Variants in PDZRN4 observed in about 807,000 individuals in gnomAD.
The protein encoded by PDZRN4 is PDZ domain containing ring finger 4, also known as PDZ domain-containing RING finger protein 4.
Under a neutral mutation model 99.0 loss-of-function variants are expected in PDZRN4, and 70 were observed. That is an observed-to-expected ratio of 0.71 (90% CI 0.58 to 0.86). The LOEUF is 0.86. Ranked by LOEUF, PDZRN4 falls within the 40% of genes least tolerant of loss-of-function variation. PDZRN4 has a pLI of 0.00. For missense variants in PDZRN4, 1,474 were observed against 1,331.2 expected (o/e 1.11, Z -1.67); for synonymous variants, 551 against 501.6 (o/e 1.10, Z -1.32).
chr12:41,254,402 A>G (rs1000503031), intron 3 of PDZRN4, among the ~76,000 whole-genome samples: 3 of 152,212 alleles, frequency 2.0e-5, no homozygotes, highest in African/African-American at 7.2e-5. Flanking sequence ...CAGGGCTAGG[A>G]TTTGAATGAG....
At chr12:41,383,470 T>C (rs1367723185) in intron 3 of PDZRN4, among the ~76,000 whole-genome samples, 1 of 152,226 alleles carries the variant, frequency 6.6e-6, no homozygotes, top group Non-Finnish European at 1.5e-5. Context: ...AATACATTCA[T>C]AAGCACCAAG....
At chr12:41,218,397 A>G (rs1042749073) in intron 3 of PDZRN4, among the ~76,000 whole-genome samples, 2 of 152,120 alleles carry the variant, frequency 1.3e-5, no homozygotes, top group Non-Finnish European at 2.9e-5. Flanking sequence ...CTGATCACTG[A>G]CTATGAACAT....
At chr12:41,516,776 T>A (rs915804215) in intron 5 of PDZRN4, among the ~76,000 whole-genome samples, 1 of 151,946 alleles carries the variant, frequency 6.6e-6, no homozygotes, top group Non-Finnish European at 1.5e-5. Context: ...GCAGCTTTTT[T>A]TTTTTTTACT....
intron 3 of PDZRN4, among the ~76,000 whole-genome samples, chr12:41,219,458 T>C (rs912507290): frequency 1.3e-5 from 2 of 152,148 alleles, no homozygotes; most frequent in Admixed American, 1.3e-4. Context: ...AATAATCTAG[T>C]AATAATGCTC....
rs1555152867 is a variant in PDZRN4, at chr12:41,555,241, A to AAAAAAAGAAAAG, written c.1303-451_1303-450insGAAAAGAAAAAA. The stretch of plus-strand genomic sequence containing the variant: ...GCCAGACTCTGTCTCAAAAAAAAAA[A>AAAAAAAGAAAAG]AAAAAAAAGAAAAAAAAAAGGACGG... On this transcript the variant is annotated intron_variant, in intron 6 of 9. Coordinates refer to ENST00000402685, the MANE Select transcript of PDZRN4 (RefSeq NM_001164595.2). 6.6e-3 allele frequency among the ~76,000 whole-genome samples: 789 copies of AAAAAAAGAAAAG among 119,926 alleles called. 41 individuals carry two copies. The highest frequency in any genetic ancestry group is 0.014 in the East Asian group (59 of 4,184). The allele number at this position is 119,926 out of a possible 152,430, so 78.7% of individuals were successfully genotyped here.
chr12:41,306,001 A>T (rs7308090), intron 3 of PDZRN4, among the ~76,000 whole-genome samples: 72,433 of 152,110 alleles, frequency 0.48, 19,210 homozygotes, highest in Middle Eastern at 0.65. Context: ...AAAACACAAT[A>T]GTGGGACAGG....
chr12:41,210,136 A>AAAT (rs1411856092), intron 3 of PDZRN4, among the ~76,000 whole-genome samples: 2 of 152,076 alleles, frequency 1.3e-5, no homozygotes, highest in Non-Finnish European at 2.9e-5. Flanking sequence ...CTGTCTGCAT[A>AAAT]AATGTCTTCT....
intron 3 of PDZRN4, among the ~76,000 whole-genome samples, chr12:41,398,016 G>A (rs1952262512): frequency 6.6e-6 from 1 of 152,078 alleles, no homozygotes; most frequent in Non-Finnish European, 1.5e-5. Flanking sequence ...CCTTGGGAAG[G>A]TTATTAACCT....
At chr12:41,226,824 T>C (rs1566374728) in intron 3 of PDZRN4, among the ~76,000 whole-genome samples, 1 of 152,110 alleles carries the variant, frequency 6.6e-6, no homozygotes, top group Non-Finnish European at 1.5e-5. Context: ...TGGCCAGATA[T>C]CATAATATTG....
At chr12:41,273,331 C>T (rs151248427) in intron 3 of PDZRN4, among the ~76,000 whole-genome samples, 8 of 152,068 alleles carry the variant, frequency 5.3e-5, no homozygotes, top group East Asian at 1.9e-4. Flanking sequence ...TGCTGGCAAG[C>T]GCAAGAATGA....
intron 3 of PDZRN4, among the ~76,000 whole-genome samples, chr12:41,465,024 C>T (rs1952911368): frequency 6.6e-6 from 1 of 151,968 alleles, no homozygotes; most frequent in African/African-American, 2.4e-5. Context: ...GGGGTTTTGC[C>T]ATATTGGCCA....
chr12:41,527,025 A>T (rs1938579343), intron 5 of PDZRN4, among the ~76,000 whole-genome samples: 1 of 152,226 alleles, frequency 6.6e-6, no homozygotes, highest in Admixed American at 6.5e-5. Flanking sequence ...CTTCTGTTAG[A>T]TGTAGATGTG....
chr12:41,412,658 G>A (rs1252265996), intron 3 of PDZRN4: 2 of 152,178 alleles, frequency 1.3e-5, no homozygotes, highest in Non-Finnish European at 2.9e-5. Flanking sequence ...TTCACATGAT[G>A]TGGCTATGAA....
In PDZRN4 at chr12:41,438,088, G is replaced by T. The variant is rs115837913; in HGVS notation, c.844-68368G>T. 1,492 of 1,524,238 alleles carry T rather than the reference G, an allele frequency of 9.8e-4. 15 individuals carry two copies. The African/African-American group carries it at 0.018, about 19-fold the overall frequency. The allele number at this position is 1,524,238 out of a possible 1,614,324, so 94.4% of individuals were successfully genotyped here. A position where few individuals can be genotyped will look rare whatever the true frequency, so the allele number is the denominator to read the frequency against. On this transcript the variant is annotated intron_variant, in intron 3 of 9. Coordinates refer to ENST00000402685, the MANE Select transcript of PDZRN4 (RefSeq NM_001164595.2). Reference sequence around the variant, plus strand: ...TCTGAAAGACGGTAAATGAATTCTGGCTAGCTTTATTTTTTCTTTCAGTAC... The same window carrying T: ...TCTGAAAGACGGTAAATGAATTCTGTCTAGCTTTATTTTTTCTTTCAGTAC...
intron 1 of PDZRN4, among the ~76,000 whole-genome samples, chr12:41,190,173 A>AAATGG (rs1248853454): frequency 6.6e-6 from 1 of 152,234 alleles, no homozygotes; most frequent in Non-Finnish European, 1.5e-5. Flanking sequence ...TGGCTGCTCC[A>AAATGG]CACTGCCTCT....
chr12:41,560,843 T>C (rs1335673288), intron 7 of PDZRN4, among the ~76,000 whole-genome samples: 2 of 152,216 alleles, frequency 1.3e-5, no homozygotes, highest in African/African-American at 4.8e-5. Context: ...CTTGCCCCAG[T>C]ATCAGTTTGG....
In PDZRN4 at chr12:41,574,630, A is replaced by C. The variant is rs748867421; in HGVS notation, c.*740A>C. The C allele has an allele frequency of 6.6e-6, 1 of 152,506 alleles. No homozygotes were observed. The highest frequency in any genetic ancestry group is 1.5e-5 in the Non-Finnish European group (1 of 68,046). 9.4% of individuals were successfully genotyped at this position (152,506 alleles called of 1,614,324 possible). ...ATTTTCCTTGTCCACAGTGGTTGAC[A>C]GTTATAAAGTAGTTATATGTGTATA... On this transcript the variant is annotated 3_prime_UTR_variant, in exon 10 of 10. Coordinates refer to ENST00000402685, the MANE Select transcript of PDZRN4 (RefSeq NM_001164595.2).
At chr12:41,423,843 C>T (rs1243478336) in intron 3 of PDZRN4, among the ~76,000 whole-genome samples, 1 of 152,074 alleles carries the variant, frequency 6.6e-6, no homozygotes. Context: ...ATATGAGGAT[C>T]AGTCATTTCA....
chr12:41,571,374 T>TCACACA (rs1254502549), intron 9 of PDZRN4, among the ~76,000 whole-genome samples: 11 of 60,710 alleles, frequency 1.8e-4, no homozygotes, highest in African/African-American at 7.3e-4. Context: ...TCTCTCTCTC[T>TCACACA]CTCACACACA....
Sources: allele counts gnomAD v4.1 joint callset (sites outside exome capture counted in the v4.1 genomes callset), GRCh38; gene constraint gnomAD v4.1.1; transcripts MANE v1.5; gene names NCBI Gene and HGNC (gene_info 2026-07-23, HGNC 2026-07-21).